MAP2K6: variants seen among roughly 807,000 people sequenced by gnomAD.
The protein encoded by MAP2K6 is mitogen-activated protein kinase kinase 6, also known as dual specificity mitogen-activated protein kinase kinase 6.
In MAP2K6, 16 loss-of-function variants were observed where a neutral mutation model predicts 53.7. The ratio of observed to expected loss-of-function variants is 0.30; its 90% CI spans 0.20 to 0.45. The LOEUF is 0.45. Ranked by LOEUF, MAP2K6 falls within the 20% of genes least tolerant of loss-of-function variation. The pLI is 1.00. For synonymous variants in MAP2K6, 132 were observed against 143.1 expected (o/e 0.92, Z 0.55); for missense variants, 204 against 411.9 (o/e 0.50, Z 4.37).
chr17:69,490,408 C>T (rs989871717), intron 1 of MAP2K6, among the ~76,000 whole-genome samples: 11 of 152,222 alleles, frequency 7.2e-5, no homozygotes, highest in Middle Eastern at 3.4e-3. Flanking sequence ...TTGTTTCTGT[C>T]GCCACTAGCA....
intron 1 of MAP2K6, chr17:69,502,139 C>T: frequency 1.0e-6 from 1 of 984,526 alleles, no homozygotes; most frequent in Non-Finnish European, 1.2e-6. Flanking sequence ...TGATTAATGT[C>T]ACGCCTGGGT....
chr17:69,451,775 C>T (rs1055872563), intron 1 of MAP2K6, among the ~76,000 whole-genome samples: 9 of 152,088 alleles, frequency 5.9e-5, no homozygotes, highest in African/African-American at 2.2e-4. Context: ...TACAGGCTGC[C>T]CCTGCAGAGG....
At chr17:69,422,090 C>G (rs2145127352) in intron 1 of MAP2K6, among the ~76,000 whole-genome samples, 1 of 151,534 alleles carries the variant, frequency 6.6e-6, no homozygotes, top group East Asian at 1.9e-4. Flanking sequence ...AGGTTATAAT[C>G]CCCATACAAT....
intron 1 of MAP2K6, among the ~76,000 whole-genome samples, chr17:69,418,530 T>A (rs970835947): frequency 1.4e-3 from 44 of 32,310 alleles, no homozygotes; most frequent in African/African-American, 7.9e-3. Context: ...TCTCTTGGAC[T>A]TTTTTTTTCT....
chr17:69,454,546 G>A (rs187123769), intron 1 of MAP2K6, among the ~76,000 whole-genome samples: 229 of 151,870 alleles, frequency 1.5e-3, no homozygotes, highest in African/African-American at 5.3e-3. Flanking sequence ...CACCATGCCC[G>A]GCTAATTTTT....
intron 1 of MAP2K6, among the ~76,000 whole-genome samples, chr17:69,498,823 A>G (rs1414124924): frequency 6.6e-6 from 1 of 152,138 alleles, no homozygotes; most frequent in Non-Finnish European, 1.5e-5. Flanking sequence ...TCACAGCGTG[A>G]CTGAGAGGTG....
rs530200409 is a variant in MAP2K6, at chr17:69,459,164, A to AT, written c.16+44172dup. On this transcript the variant is annotated intron_variant, in intron 1 of 11. Transcript: ENST00000590474. ...GTTTTACAAATTCAGGTTTACTGTGATTTTTTTTAAACATTAAGCTAGTTA... is the reference window on the plus strand; with the variant it reads ...GTTTTACAAATTCAGGTTTACTGTGATTTTTTTTTAAACATTAAGCTAGTTA... 3.7e-3 allele frequency among the ~76,000 whole-genome samples: 568 copies of AT among 152,098 alleles called. 2 individuals carry two copies. The highest frequency in any genetic ancestry group is 0.012 in the African/African-American group (509 of 41,516).
chr17:69,470,267 A>G (rs1010938405), intron 1 of MAP2K6, among the ~76,000 whole-genome samples: 1 of 152,218 alleles, frequency 6.6e-6, no homozygotes, highest in Admixed American at 6.5e-5. Flanking sequence ...AACTTGGATT[A>G]TGGCTGGAGG....
intron 10 of MAP2K6, among the ~76,000 whole-genome samples, chr17:69,531,283 G>T (rs1911071945): frequency 1.3e-5 from 2 of 152,106 alleles, no homozygotes; most frequent in South Asian, 4.1e-4. Flanking sequence ...CGCAGCCTAG[G>T]TAACTGTCAG....
intron 1 of MAP2K6, among the ~76,000 whole-genome samples, chr17:69,463,051 G>T (rs1455178737): frequency 2.0e-5 from 3 of 150,704 alleles, no homozygotes; most frequent in Non-Finnish European, 4.4e-5. Context: ...TCACGGTAAT[G>T]GGAGATGTAT....
intron 1 of MAP2K6, among the ~76,000 whole-genome samples, chr17:69,496,811 C>T (rs974066987): frequency 6.6e-6 from 1 of 152,032 alleles, no homozygotes; most frequent in African/African-American, 2.4e-5. Context: ...CGTCCCGTCC[C>T]TGCAGCATCT....
chr17:69,498,922 G>T (rs1909048053), intron 1 of MAP2K6, among the ~76,000 whole-genome samples: 1 of 152,178 alleles, frequency 6.6e-6, no homozygotes, highest in African/African-American at 2.4e-5. Context: ...AGGCAGGAGA[G>T]ATGTCTCTAA....
chr17:69,423,193 T>G (rs1054490294), intron 1 of MAP2K6, among the ~76,000 whole-genome samples: 1 of 152,198 alleles, frequency 6.6e-6, no homozygotes, highest in Non-Finnish European at 1.5e-5. Flanking sequence ...AAGCCTCAGC[T>G]GTTTTTAAGT....
chr17:69,428,119 A>G (rs575666628), intron 1 of MAP2K6, among the ~76,000 whole-genome samples: 4 of 152,186 alleles, frequency 2.6e-5, no homozygotes, highest in Admixed American at 6.5e-5. Context: ...GAATCCTCTT[A>G]CTACCCTCAA....
intron 1 of MAP2K6, among the ~76,000 whole-genome samples, chr17:69,442,765 T>C (rs1485897235): frequency 6.6e-6 from 1 of 152,220 alleles, no homozygotes; most frequent in East Asian, 1.9e-4. Context: ...TTCTGCCAAT[T>C]GTAAGCTGTG....
In MAP2K6 at chr17:69,541,873, G is replaced by A; in HGVS notation, c.*120G>A. On this transcript the variant is annotated 3_prime_UTR_variant, in exon 12 of 12. Coordinates refer to ENST00000590474, the MANE Select transcript of MAP2K6 (RefSeq NM_002758.4). Reference sequence around the variant, plus strand: ...GATAATTTAACCCTGCCTCTCAGAGGGTTTTCTCTCCCAATTTTCTTTTTA... The same window carrying A: ...GATAATTTAACCCTGCCTCTCAGAGAGTTTTCTCTCCCAATTTTCTTTTTA... The A allele has an allele frequency of 1.4e-6, 1 of 700,682 alleles. No homozygotes were observed. Among genetic ancestry groups the A allele is most frequent in the South Asian group, 1.8e-5 (1 of 55,160 alleles). The allele number at this position is 700,682 out of a possible 1,614,324, so 43.4% of individuals were successfully genotyped here.
chr17:69,452,252 C>T (rs972082608), intron 1 of MAP2K6, among the ~76,000 whole-genome samples: 3 of 151,258 alleles, frequency 2.0e-5, no homozygotes, highest in African/African-American at 7.3e-5. Flanking sequence ...TTTGATACTG[C>T]CCAGGACCAT....
At chr17:69,478,036 A>C (rs1908213494) in intron 1 of MAP2K6, among the ~76,000 whole-genome samples, 1 of 152,232 alleles carries the variant, frequency 6.6e-6, no homozygotes, top group Non-Finnish European at 1.5e-5. Context: ...TAGTATGGTC[A>C]AAGTAGAGTC....
rs1262075093 is a variant in MAP2K6 at position 69,541,698 on chromosome 17, A to G, written c.950A>G (p.His317Arg). The G allele has an allele frequency of 1.2e-6, 2 of 1,612,390 alleles. No homozygotes were observed. The highest frequency in any genetic ancestry group is 2.2e-5 in the East Asian group (1 of 44,834). Reference protein sequence around the residue: ...ELMQHPFFTLHESKGTDVASF... With the variant: ...ELMQHPFFTLRESKGTDVASF... ...CAGCAACATCCATTTTTCACCCTAC[A>G]TGAATCCAAAGGAACAGATGTGGCA... Residue 317 changes from histidine to arginine, a missense_variant, in exon 12 of 12, where the codon CAT becomes CGT. By Grantham distance (29) the His-to-Arg change is conservative. This residue lies in a region of MAP2K6 where 47 missense variants were observed against 62.3 expected (regional missense o/e 0.75). Transcript: ENST00000590474.
Sources: gnomAD v4.1 joint callset for allele counts (sites outside exome capture counted in the v4.1 genomes callset) on GRCh38, gnomAD v4.1.1 for gene constraint, gnomAD v4.1.1 regional missense constraint, MANE v1.5 for transcripts, NCBI Gene and HGNC (gene_info 2026-07-23, HGNC 2026-07-21) for gene names.